Variants in WNT8B observed in about 807,000 individuals in gnomAD.
WNT8B encodes the protein protein Wnt-8b.
Under a neutral mutation model 36.6 loss-of-function variants are expected in WNT8B, and 24 were observed. The observed-to-expected ratio is 0.66, with a 90% CI of 0.48 to 0.92. The LOEUF (loss-of-function observed/expected upper bound fraction) is 0.92, where lower values mean the gene tolerates loss of function less well. WNT8B is among the 40% of genes least tolerant of loss of function. WNT8B has a pLI of 0.00. For missense variants in WNT8B, 402 were observed against 470.8 expected (o/e 0.85, Z 1.35); for synonymous variants, 199 against 189.8 (o/e 1.05, Z -0.40).
In WNT8B at chr10:100,483,552, G is replaced by C. The variant is rs1851147896; in HGVS notation, c.*736G>C. 1 of 152,108 alleles carries C rather than the reference G, an allele frequency of 6.6e-6. No individual in the cohort carries two copies. Among genetic ancestry groups the C allele is most frequent in the Non-Finnish European group, 1.5e-5 (1 of 68,032 alleles). The allele number at this position is 152,108 out of a possible 1,614,324, so 9.4% of individuals were successfully genotyped here. On this transcript the variant is annotated 3_prime_UTR_variant, in exon 6 of 6. Transcript: ENST00000343737. ...AGGGACTCCAGATACATACCCCGAA[G>C]GTCTAGGAAATACGTTAAGGGCAGA...
At chr10:100,478,837 C>T (rs1851073656) in intron 1 of WNT8B, among the ~76,000 whole-genome samples, 1 of 152,186 alleles carries the variant, frequency 6.6e-6, no homozygotes, top group Non-Finnish European at 1.5e-5. Flanking sequence ...CCTGCTTCAG[C>T]CTCCCAAAGT....
chr10:100,469,728 C>A (rs576558430), intron 1 of WNT8B, among the ~76,000 whole-genome samples: 1 of 152,204 alleles, frequency 6.6e-6, no homozygotes, highest in Admixed American at 6.5e-5. Flanking sequence ...TGTGAACATA[C>A]CTTTGTGTCT....
At position 100,482,678 on chromosome 10, in the gene WNT8B, G is replaced by A. The variant is rs368803739; in HGVS notation, c.918G>A (p.Val306=). The part of the protein sequence containing the change: ...LAVEERRAET[V]SSCNCKFHWC... ...TGGAGGAGCGCCGGGCCGAGACCGT[G>A]TCCAGCTGCAACTGCAAGTTCCACT... is the stretch of plus-strand genomic sequence containing the variant. Residue 306 remains valine, a synonymous_variant, in exon 6 of 6, where the codon GTG becomes GTA. Transcript: ENST00000343737. This position sits in a 1 kb window ranked among gnomAD's most constrained non-coding sequence, Gnocchi z 6.6. 55 of 1,609,872 alleles carry A rather than the reference G, an allele frequency of 3.4e-5. No individual in the cohort carries two copies. The African/African-American group carries it at 6.0e-4, about 18-fold the overall frequency.
At chr10:100,464,481 A>G (rs557679213) in intron 1 of WNT8B, among the ~76,000 whole-genome samples, 1 of 152,368 alleles carries the variant, frequency 6.6e-6, no homozygotes, top group South Asian at 2.1e-4. Flanking sequence ...CAGTATCAGC[A>G]AAAGAGAAAC....
At chr10:100,480,120 T>C in intron 3 of WNT8B, 108 bp downstream of exon 3, 1 of 1,297,614 alleles carries the variant, frequency 7.7e-7, no homozygotes. Context: ...TGCTCTCTTC[T>C]CTTAGGTCAT....
chr10:100,466,686 T>A (rs1206572074), intron 1 of WNT8B, among the ~76,000 whole-genome samples: 1 of 151,856 alleles, frequency 6.6e-6, no homozygotes, highest in Non-Finnish European at 1.5e-5. Flanking sequence ...TAGTGACAAA[T>A]GAGGCATTAA....
intron 1 of WNT8B, among the ~76,000 whole-genome samples, chr10:100,465,157 A>T (rs944894014): frequency 6.6e-6 from 1 of 152,178 alleles, no homozygotes; most frequent in African/African-American, 2.4e-5. Context: ...CTGGGCTTGA[A>T]AAGGAGAGAA....
At position 100,463,065 on chromosome 10, in the gene WNT8B, C is replaced by A; in HGVS notation, c.-104C>A. 9.2e-7 allele frequency: 1 copy of A among 1,081,246 alleles called. No individual in the cohort carries two copies. The highest frequency in any genetic ancestry group is 1.4e-6 in the Non-Finnish European group (1 of 723,562). 67.0% of individuals were successfully genotyped at this position (1,081,246 alleles called of 1,614,324 possible). A position where few individuals can be genotyped will look rare whatever the true frequency, so the allele number is the denominator to read the frequency against. ...TCGCTTACACACCAAGGAAGTTGGGCTTTGAGAATTCCATCCCACTGGCAC... is the reference window on the plus strand; with the variant it reads ...TCGCTTACACACCAAGGAAGTTGGGATTTGAGAATTCCATCCCACTGGCAC... On this transcript the variant is annotated 5_prime_UTR_variant, in exon 1 of 6. Coordinates refer to ENST00000343737, the MANE Select transcript of WNT8B (RefSeq NM_003393.4).
Position 100,463,041 on chromosome 10 carries a change from C to T in WNT8B, c.-128C>T, listed in dbSNP as rs542337782. On this transcript the variant is annotated 5_prime_UTR_variant, in exon 1 of 6. Transcript: ENST00000343737. Reference sequence around the variant, plus strand: ...ACCTCCCCTTAACTCTGTTTGGGATCGCTTACACACCAAGGAAGTTGGGCT... The same window carrying T: ...ACCTCCCCTTAACTCTGTTTGGGATTGCTTACACACCAAGGAAGTTGGGCT... 2.2e-5 allele frequency: 17 copies of T among 760,022 alleles called. No homozygotes were observed. The highest frequency in any genetic ancestry group is 2.4e-4 in the Middle Eastern group (1 of 4,144). 47.1% of individuals were successfully genotyped at this position (760,022 alleles called of 1,614,324 possible). A position where few individuals can be genotyped will look rare whatever the true frequency, so the allele number is the denominator to read the frequency against.
At chr10:100,469,115 TA>T (rs200463067) in intron 1 of WNT8B, among the ~76,000 whole-genome samples, 2,290 of 152,332 alleles carry the variant, frequency 0.015, 62 homozygotes, top group African/African-American at 0.051. Flanking sequence ...GTGAAATAGT[TA>T]TGGGAATATG....
intron 1 of WNT8B, among the ~76,000 whole-genome samples, chr10:100,465,223 G>A (rs187592856): frequency 2.0e-3 from 306 of 152,242 alleles, no homozygotes; most frequent in Non-Finnish European, 1.4e-3. Context: ...AGTACAAGAT[G>A]ATTTCTTTGA....
At chr10:100,469,287 C>T (rs949909758) in intron 1 of WNT8B, among the ~76,000 whole-genome samples, 8 of 152,176 alleles carry the variant, frequency 5.3e-5, no homozygotes, top group Non-Finnish European at 1.0e-4. Flanking sequence ...TGTCATAACT[C>T]CTCACTCTCT....
At chr10:100,474,511 C>T (rs189711646) in intron 1 of WNT8B, among the ~76,000 whole-genome samples, 1 of 152,252 alleles carries the variant, frequency 6.6e-6, no homozygotes, top group East Asian at 1.9e-4. Context: ...GAAATCATGT[C>T]ATTGTTTCAT....
rs1851122167 is a variant in WNT8B, at chr10:100,482,188, T to C, written c.511-83T>C. The C allele has an allele frequency of 2.6e-6, 4 of 1,535,506 alleles. No homozygotes were observed. Among genetic ancestry groups the C allele is most frequent in the Non-Finnish European group, 3.5e-6 (4 of 1,143,784 alleles). On this transcript the variant is annotated intron_variant, in intron 5 of 5. Transcript: ENST00000343737. The surrounding 1 kb of genome is among the most constrained non-coding windows in gnomAD (Gnocchi z 6.6). ...AAGTGGGCTGGCCCAGTAGACTAAC[T>C]AGACTTCTCGCAACTCCCACAGGGG...
In WNT8B at chr10:100,463,114, G is replaced by C; in HGVS notation, c.-55G>C. On this transcript the variant is annotated 5_prime_UTR_variant, in exon 1 of 6. Transcript: ENST00000343737. Reference sequence around the variant, plus strand: ...ACTGAGGAGAATATTTCTCCGTCTTGCTTACCCATCTCCCAGTTTTTTGGA... The same window carrying C: ...ACTGAGGAGAATATTTCTCCGTCTTCCTTACCCATCTCCCAGTTTTTTGGA... 6.6e-7 allele frequency: 1 copy of C among 1,518,860 alleles called. No homozygotes were observed. Among genetic ancestry groups the C allele is most frequent in the South Asian group, 1.1e-5 (1 of 88,266 alleles). The allele number at this position is 1,518,860 out of a possible 1,614,324, so 94.1% of individuals were successfully genotyped here.
intron 1 of WNT8B, among the ~76,000 whole-genome samples, chr10:100,465,806 G>A (rs894354628): frequency 6.6e-6 from 1 of 152,118 alleles, no homozygotes; most frequent in East Asian, 1.9e-4. Context: ...ATCTCATAGA[G>A]TAACCTTTCT....
rs74232678 is a variant in WNT8B, at chr10:100,480,126, G to T, written c.241+114G>T. ...TTCCTCACCTGCTCTCTTCTCTTAG[G>T]TCATCTCCCTCTCCAGGATCTTCTC... On this transcript the variant is annotated intron_variant, in intron 3 of 5. Coordinates refer to ENST00000343737, the MANE Select transcript of WNT8B (RefSeq NM_003393.4). 4,592 of 1,268,248 alleles carry T rather than the reference G, an allele frequency of 3.6e-3. 87 individuals are homozygous for T. In the South Asian group the frequency reaches 0.041, roughly 11 times the overall value. The allele number at this position is 1,268,248 out of a possible 1,614,324, so 78.6% of individuals were successfully genotyped here.
rs919025311 is a variant in WNT8B, at chr10:100,483,101, C to G, written c.*285C>G. Reference sequence around the variant, plus strand: ...TTAGGAGAACAGGTGTTCCTCCTCCCCTCTCCTAGCAGCCCTAATGTCTGA... The same window carrying G: ...TTAGGAGAACAGGTGTTCCTCCTCCGCTCTCCTAGCAGCCCTAATGTCTGA... On this transcript the variant is annotated 3_prime_UTR_variant, in exon 6 of 6. Transcript: ENST00000343737. 2.6e-4 allele frequency: 102 copies of G among 386,780 alleles called. No individual in the cohort carries two copies. The highest frequency in any genetic ancestry group is 1.9e-3 in the African/African-American group (89 of 47,860). The allele number at this position is 386,780 out of a possible 1,614,324, so 24.0% of individuals were successfully genotyped here. A position where few individuals can be genotyped will look rare whatever the true frequency, so the allele number is the denominator to read the frequency against.
chr10:100,473,856 G>A (rs533335473), intron 1 of WNT8B, among the ~76,000 whole-genome samples: 6 of 152,190 alleles, frequency 3.9e-5, no homozygotes, highest in African/African-American at 1.4e-4. Flanking sequence ...AACCCAGGAG[G>A]TGGAGGTTGT....
Sources: gnomAD v4.1 joint callset for allele counts (sites outside exome capture counted in the v4.1 genomes callset) on GRCh38, gnomAD v4.1.1 for gene constraint, Gnocchi (gnomAD v3.1) non-coding constraint, MANE v1.5 for transcripts, NCBI Gene and HGNC (gene_info 2026-07-23, HGNC 2026-07-21) for gene names.